PCSK6: variants seen among roughly 807,000 people sequenced by gnomAD.
PCSK6 encodes the protein proprotein convertase subtilisin/kexin type 6, also known as paired basic amino acid cleaving enzyme 4.
In PCSK6, 85 loss-of-function variants were observed where a neutral mutation model predicts 123.3. The observed-to-expected ratio is 0.69, with a 90% CI of 0.58 to 0.83. PCSK6 has a LOEUF of 0.83. PCSK6 is among the 40% of genes least tolerant of loss of function. PCSK6 has a pLI of 0.00. For synonymous variants in PCSK6, 508 were observed against 516.0 expected, an observed-to-expected ratio of 0.98 and a Z score of 0.21; for missense variants, 1,191 against 1,282.3, an observed-to-expected ratio of 0.93 and a Z score of 1.09.
At chr15:101,369,568 C>T (rs991006508) in intron 12 of PCSK6, among the ~76,000 whole-genome samples, 3 of 152,210 alleles carry the variant, frequency 2.0e-5, no homozygotes, top group African/African-American at 7.2e-5. Context: ...GCTGATTTGT[C>T]CATGAAATTT....
intron 1 of PCSK6, among the ~76,000 whole-genome samples, chr15:101,473,235 A>G (rs549487362): frequency 6.6e-6 from 1 of 151,110 alleles, no homozygotes; most frequent in Non-Finnish European, 1.5e-5. Flanking sequence ...TGCCACCATG[A>G]CTGGCTAATT....
intron 2 of PCSK6, among the ~76,000 whole-genome samples, chr15:101,437,885 C>T (rs1033016537): frequency 5.3e-5 from 8 of 152,174 alleles, no homozygotes; most frequent in African/African-American, 1.9e-4. Flanking sequence ...AAATCTTAAC[C>T]CGGGGTAGCT....
intron 13 of PCSK6, among the ~76,000 whole-genome samples, chr15:101,363,396 C>G (rs575726809): frequency 1.3e-5 from 2 of 152,206 alleles, no homozygotes; most frequent in African/African-American, 4.8e-5. Flanking sequence ...GCATACAGCA[C>G]CAGCCTCCCA....
intron 11 of PCSK6, among the ~76,000 whole-genome samples, chr15:101,373,466 T>A (rs1162263664): frequency 3.3e-5 from 5 of 152,182 alleles, no homozygotes; most frequent in Non-Finnish European, 5.9e-5. Context: ...ACAGCTACTA[T>A]AGGAGGGCAC....
Position 101,304,613 on chromosome 15 carries a change from A to T in PCSK6, c.*645T>A, listed in dbSNP as rs2039681712. 6.6e-6 allele frequency: 1 copy of T among 152,346 alleles called. No homozygotes were observed. Among genetic ancestry groups the T allele is most frequent in the East Asian group, 1.9e-4 (1 of 5,196 alleles). 9.4% of individuals were successfully genotyped at this position (152,346 alleles called of 1,614,324 possible). A position where few individuals can be genotyped will look rare whatever the true frequency, so the allele number is the denominator to read the frequency against. ...TGCTCAAAGGAGAGCGCTGCGGGGG[A>T]TAGAATCTTCTGGTCTGGCTTTGGA... On this transcript the variant is annotated 3_prime_UTR_variant, in exon 22 of 22. Coordinates refer to ENST00000611716, the MANE Select transcript of PCSK6 (RefSeq NM_002570.5).
Position 101,305,527 on chromosome 15 carries a change from G to A in PCSK6, c.2813-172C>T. 1.8e-6 allele frequency: 1 copy of A among 563,532 alleles called. No individual in the cohort carries two copies. 34.9% of individuals were successfully genotyped at this position (563,532 alleles called of 1,614,324 possible). ...GCTTGAGACCAGTCTAACCAACATG[G>A]TGAAACCCCGTCTCTACTAATAATA... On this transcript the variant is annotated intron_variant, in intron 21 of 21. Coordinates refer to ENST00000611716, the MANE Select transcript of PCSK6 (RefSeq NM_002570.5). This position sits in a 1 kb window ranked among gnomAD's most constrained non-coding sequence, Gnocchi z 4.8.
rs57613156 is a variant in PCSK6 at position 101,316,910 on chromosome 15, GTTTT to G, written c.2569+1405_2569+1408del. Among the ~76,000 whole-genome samples, 965 of 114,942 alleles carry G rather than the reference GTTTT, an allele frequency of 8.4e-3. 34 individuals are homozygous for G. In the East Asian group the frequency reaches 0.1, roughly 12 times the overall value. 75.4% of individuals were successfully genotyped at this position (114,942 alleles called of 152,430 possible). ...ACTGGTTTAGCAGAGACTTAATTCT[GTTTT>G]TTTTTTTTTTTTTTTGACAGAGTCT... On this transcript the variant is annotated intron_variant, in intron 19 of 21. Transcript: ENST00000611716.
At chr15:101,437,821 C>T (rs554071892) in intron 2 of PCSK6, among the ~76,000 whole-genome samples, 38 of 152,182 alleles carry the variant, frequency 2.5e-4, no homozygotes, top group Non-Finnish European at 4.4e-4. Context: ...CAGCTGGAGC[C>T]CAGCTTCACC....
Position 101,489,511 on chromosome 15 carries a change from G to A in PCSK6, c.160C>T (p.Leu54=), listed in dbSNP as rs913965799. 137 of 1,040,214 alleles carry A rather than the reference G, an allele frequency of 1.3e-4. No homozygotes were observed. The highest frequency in any genetic ancestry group is 1.5e-4 in the Non-Finnish European group (127 of 867,700). The allele number at this position is 1,040,214 out of a possible 1,614,324, so 64.4% of individuals were successfully genotyped here. A position where few individuals can be genotyped will look rare whatever the true frequency, so the allele number is the denominator to read the frequency against. The change falls in exon 1 of 22, where the codon CTG becomes TTG. Residue 54 remains leucine, a synonymous_variant. Transcript: ENST00000611716. ...GAGCAGGCGGCAGGCAGCGCCAGCA[G>A]CAGCAGCCAGCGCCAGGGACGCGGC... ...LAPRPWRWLL[L]LALPAACSAP...
intron 9 of PCSK6, among the ~76,000 whole-genome samples, chr15:101,388,143 C>A (rs3825905): frequency 0.64 from 97,303 of 152,146 alleles, 31,854 homozygotes; most frequent in Admixed American, 0.73. Flanking sequence ...GTAAAGTATG[C>A]GAATGTGAGT....
chr15:101,398,445 C>A lies in PCSK6; in HGVS notation c.955G>T (p.Gly319Cys). ...TCGAAAGCCTGCTTAGCCAGTCGGC[C>A]GGGCCCGTCCACCGTCTTGCCGTCG... is the stretch of plus-strand genomic sequence containing the variant. The part of the protein sequence containing the change: ...DDDGKTVDGP[G>C]RLAKQAFEYG... Residue 319 changes from glycine (G) to cysteine (C), a missense_variant, in exon 7 of 22, where the codon GGC becomes TGC. Around this residue, in one of 3 missense-constraint regions of PCSK6, gnomAD observed 357 missense variants for 484.5 expected, o/e 0.74. Transcript: ENST00000611716. This position sits in a 1 kb window ranked among gnomAD's most constrained non-coding sequence, Gnocchi z 4.6. 1.2e-6 allele frequency: 2 copies of A among 1,613,552 alleles called. No homozygotes were observed. Among genetic ancestry groups the A allele is most frequent in the Non-Finnish European group, 1.7e-6 (2 of 1,179,576 alleles).
chr15:101,413,823 T>C (rs2055790277), intron 6 of PCSK6, among the ~76,000 whole-genome samples: 1 of 150,676 alleles, frequency 6.6e-6, no homozygotes, highest in African/African-American at 2.5e-5. Flanking sequence ...TGAAATGTCA[T>C]TTATCAATAA....
At chr15:101,429,863 C>G (rs1455735272) in intron 5 of PCSK6, 124 bp downstream of exon 5, 2 of 792,484 alleles carry the variant, frequency 2.5e-6, no homozygotes, top group Non-Finnish European at 4.2e-6. Context: ...AGAAGCCTGC[C>G]TCGCGCCCAG....
At chr15:101,403,283 A>C (rs1376363621) in intron 6 of PCSK6, among the ~76,000 whole-genome samples, 1 of 63,248 alleles carries the variant, frequency 1.6e-5, no homozygotes, top group Non-Finnish European at 2.8e-5. Flanking sequence ...GGGTGGGGGG[A>C]GGGGGGAGGG....
At chr15:101,330,722 C>T (rs1490754152) in intron 15 of PCSK6, among the ~76,000 whole-genome samples, 3 of 152,182 alleles carry the variant, frequency 2.0e-5, no homozygotes, top group Non-Finnish European at 4.4e-5. Flanking sequence ...TTGTGCAAGG[C>T]TGAAGTCAGT....
At chr15:101,421,951 T>C (rs768263193) in intron 6 of PCSK6, among the ~76,000 whole-genome samples, 9 of 152,214 alleles carry the variant, frequency 5.9e-5, no homozygotes, top group Non-Finnish European at 1.3e-4. Context: ...ATAATAATTA[T>C]AAACTCTGAA....
rs150447601 is a variant in PCSK6 at position 101,361,663 on chromosome 15, A to C, written c.1858+4533T>G. On this transcript the variant is annotated intron_variant, in intron 13 of 21. Coordinates refer to ENST00000611716, the MANE Select transcript of PCSK6 (RefSeq NM_002570.5). The stretch of plus-strand genomic sequence containing the variant: ...GCTAGCAGGATGTGCAGGTCAGGCT[A>C]AGAGATTTGGGTTTTGCTCTAAGAG... Among the ~76,000 whole-genome samples, 657 of 152,296 alleles carry C rather than the reference A, an allele frequency of 4.3e-3. 4 individuals carry two copies. The highest frequency in any genetic ancestry group is 0.015 in the African/African-American group (612 of 41,552).
intron 1 of PCSK6, among the ~76,000 whole-genome samples, chr15:101,463,946 G>C (rs1437114340): frequency 2.0e-5 from 3 of 152,022 alleles, no homozygotes. Flanking sequence ...GTAGCCCCAG[G>C]GTGTGATTTT....
chr15:101,349,770 C>T (rs1372464184), intron 13 of PCSK6, among the ~76,000 whole-genome samples: 3 of 152,158 alleles, frequency 2.0e-5, no homozygotes, highest in African/African-American at 7.2e-5. Flanking sequence ...CCTGCATTCC[C>T]GTTCTTTAAA....
Sources: allele counts gnomAD v4.1 joint callset (sites outside exome capture counted in the v4.1 genomes callset), GRCh38; gene constraint gnomAD v4.1.1; regional missense constraint gnomAD v4.1.1; non-coding constraint Gnocchi (gnomAD v3.1); transcripts MANE v1.5; gene names NCBI Gene and HGNC (gene_info 2026-07-23, HGNC 2026-07-21).